Variants in PTPRD observed in about 807,000 individuals in gnomAD.
PTPRD encodes receptor-type tyrosine-protein phosphatase delta.
Under a neutral mutation model 214.5 loss-of-function variants are expected in PTPRD, and 34 were observed. That is an observed-to-expected ratio of 0.16 (90% confidence interval 0.12 to 0.21). PTPRD has a LOEUF of 0.21. Among genes scored for constraint, PTPRD ranks in the 10% least tolerant of loss-of-function variants. PTPRD has a pLI of 1.00. For missense variants in PTPRD, 2,545 were observed against 2,398.7 expected (o/e 1.06, Z -1.27); for synonymous variants, 1,128 against 845.7 (o/e 1.33, Z -5.79).
intron 5 of PTPRD, among the ~76,000 whole-genome samples, chr9:9,858,401 C>G (rs2061984091): frequency 6.6e-6 from 1 of 152,188 alleles, no homozygotes; most frequent in Non-Finnish European, 1.5e-5. Flanking sequence ...TCTCTGCTCT[C>G]AAATTTGGTG....
At chr9:9,001,924 T>G (rs558077785) in intron 11 of PTPRD, among the ~76,000 whole-genome samples, 1 of 148,222 alleles carries the variant, frequency 6.7e-6, no homozygotes, top group East Asian at 2.1e-4. Flanking sequence ...ATCTAGTTTC[T>G]GCCCACCTGG....
intron 12 of PTPRD, chr9:8,713,826 C>G (rs2098398823): frequency 6.6e-7 from 1 of 1,514,928 alleles, no homozygotes; most frequent in East Asian, 2.4e-5. Flanking sequence ...CCAAGAGGCC[C>G]AACACCTTCT....
intron 14 of PTPRD, among the ~76,000 whole-genome samples, chr9:8,550,053 A>T (rs1014895800): frequency 6.6e-6 from 1 of 152,160 alleles, no homozygotes; most frequent in East Asian, 1.9e-4. Context: ...CATAACAGGG[A>T]ATCAGTCAGA....
intron 30 of PTPRD, among the ~76,000 whole-genome samples, chr9:8,478,939 A>T (rs1471503297): frequency 6.6e-6 from 1 of 152,258 alleles, no homozygotes; most frequent in African/African-American, 2.4e-5. Flanking sequence ...AACAGGTGTC[A>T]ATCACCAAAA....
chr9:8,724,811 G>A (rs892388183), intron 12 of PTPRD, among the ~76,000 whole-genome samples: 2 of 151,948 alleles, frequency 1.3e-5, no homozygotes, highest in African/African-American at 4.8e-5. Context: ...GACGGCACGT[G>A]CCAGTAATCC....
At chr9:10,471,178 G>C (rs2099028817) in intron 2 of PTPRD, among the ~76,000 whole-genome samples, 2 of 151,900 alleles carry the variant, frequency 1.3e-5, no homozygotes, top group Admixed American at 6.6e-5. Context: ...CACAGCATTA[G>C]GAGAAACACC....
In PTPRD at chr9:8,681,932, C is replaced by CTTTT. The variant is rs1565237423; in HGVS notation, c.65-45089_65-45088insAAAA. On this transcript the variant is annotated intron_variant, in intron 12 of 45. Coordinates refer to ENST00000381196, the MANE Select transcript of PTPRD (RefSeq NM_002839.4). ...TACTTCAGCTCTAAAAGGTGCTGAA[C>CTTTT]AACCGACTACGGTAGGAGAAGACAA... is the stretch of plus-strand genomic sequence containing the variant. 1.6e-4 allele frequency among the ~76,000 whole-genome samples: 25 copies of CTTTT among 152,298 alleles called. 2 individuals are homozygous for CTTTT. In the East Asian group the frequency reaches 2.9e-3, roughly 18 times the overall value.
intron 7 of PTPRD, among the ~76,000 whole-genome samples, chr9:9,699,976 G>C (rs1191427565): frequency 6.6e-6 from 1 of 152,126 alleles, no homozygotes; most frequent in East Asian, 1.9e-4. Context: ...ATGAATTCAA[G>C]AAAGTGTTGG....
chr9:8,347,173 T>A (rs1365803891), intron 39 of PTPRD, among the ~76,000 whole-genome samples: 1 of 152,070 alleles, frequency 6.6e-6, no homozygotes, highest in Non-Finnish European at 1.5e-5. Context: ...TCCATGGGAA[T>A]ATTTACACCA....
intron 12 of PTPRD, among the ~76,000 whole-genome samples, chr9:8,702,621 TGG>T (rs1215583572): frequency 6.6e-6 from 1 of 152,204 alleles, no homozygotes; most frequent in African/African-American, 2.4e-5. Context: ...TGCAATTTTT[TGG>T]GTTTCTTTTA....
At chr9:10,500,620 G>C (rs1163459309) in intron 2 of PTPRD, among the ~76,000 whole-genome samples, 1 of 151,752 alleles carries the variant, frequency 6.6e-6, no homozygotes, top group African/African-American at 2.4e-5. Context: ...TCACTCTGTA[G>C]TGCTAGCAAA....
chr9:10,515,551 T>C (rs963529626), intron 2 of PTPRD, among the ~76,000 whole-genome samples: 14 of 144,650 alleles, frequency 9.7e-5, no homozygotes, highest in African/African-American at 3.2e-4. Context: ...GTAATATTTT[T>C]ACATTTTTAT....
intron 11 of PTPRD, among the ~76,000 whole-genome samples, chr9:8,995,573 C>G (rs370819244): frequency 5.9e-5 from 9 of 151,984 alleles, no homozygotes; most frequent in African/African-American, 2.2e-4. Flanking sequence ...TCTCTACACC[C>G]TCTTGAATAA....
At chr9:8,947,914 G>A (rs879708115) in intron 11 of PTPRD, among the ~76,000 whole-genome samples, 4 of 151,862 alleles carry the variant, frequency 2.6e-5, no homozygotes, top group South Asian at 2.1e-4. Flanking sequence ...AATACATCAC[G>A]AATTGGTATT....
At chr9:9,147,926 A>T (rs2099871424) in intron 10 of PTPRD, among the ~76,000 whole-genome samples, 1 of 152,162 alleles carries the variant, frequency 6.6e-6, no homozygotes, top group Admixed American at 6.5e-5. Context: ...TGGACTCAGC[A>T]ATTGGTGCTT....
chr9:9,832,352 T>C (rs552070954), intron 5 of PTPRD, among the ~76,000 whole-genome samples: 1 of 152,072 alleles, frequency 6.6e-6, no homozygotes, highest in African/African-American at 2.4e-5. Flanking sequence ...TATCTGAAGA[T>C]ATGTAACTGT....
intron 2 of PTPRD, among the ~76,000 whole-genome samples, chr9:10,511,020 A>C (rs953356158): frequency 5.6e-5 from 7 of 124,330 alleles, no homozygotes; most frequent in African/African-American, 2.5e-4. Context: ...ATGTTATTGT[A>C]AATGTACTTA....
chr9:10,476,322 C>T (rs1475983436), intron 2 of PTPRD, among the ~76,000 whole-genome samples: 1 of 152,150 alleles, frequency 6.6e-6, no homozygotes, highest in Non-Finnish European at 1.5e-5. Flanking sequence ...AAATCACAAG[C>T]ATTCCTATAC....
Position 10,379,260 on chromosome 9 carries a change from G to T in PTPRD, c.-599-38243C>A, listed in dbSNP as rs565937949. 2.1e-3 allele frequency among the ~76,000 whole-genome samples: 311 copies of T among 151,606 alleles called. 1 individual carries two copies. Among genetic ancestry groups the T allele is most frequent in the African/African-American group, 7.0e-3 (292 of 41,426 alleles). ...CTAATAGTTTTTTTTGTGTGTGTGT[G>T]TGTGTGTAGTCATTAGGTTTTTCCA... On this transcript the variant is annotated intron_variant, in intron 2 of 45. Coordinates refer to ENST00000381196, the MANE Select transcript of PTPRD (RefSeq NM_002839.4).
Sources: allele counts gnomAD v4.1 joint callset (sites outside exome capture counted in the v4.1 genomes callset), GRCh38; gene constraint gnomAD v4.1.1; transcripts MANE v1.5; gene names NCBI Gene and HGNC (gene_info 2026-07-23, HGNC 2026-07-21).